GRIA1: variants seen among roughly 807,000 people sequenced by gnomAD.
GRIA1 encodes the protein glutamate receptor 1.
In GRIA1, 31 loss-of-function variants were observed where a neutral mutation model predicts 99.2. That is an observed-to-expected ratio of 0.31 (90% confidence interval 0.23 to 0.42). GRIA1 has a LOEUF of 0.42. GRIA1 is among the 10% of genes least tolerant of loss of function. The pLI is 1.00. For missense variants in GRIA1, 782 were observed against 1,157.5 expected, an observed-to-expected ratio of 0.68 and a Z score of 4.71; for synonymous variants, 438 against 432.4, an observed-to-expected ratio of 1.01 and a Z score of -0.16.
chr5:153,515,763 A>T (rs1438777036), intron 2 of GRIA1, among the ~76,000 whole-genome samples: 3 of 152,210 alleles, frequency 2.0e-5, no homozygotes, highest in South Asian at 4.1e-4. Flanking sequence ...CAAATTTTTT[A>T]AAAAGGCTAT....
intron 2 of GRIA1, among the ~76,000 whole-genome samples, chr5:153,515,769 G>C (rs944064270): frequency 2.0e-5 from 3 of 152,042 alleles, no homozygotes; most frequent in Admixed American, 6.6e-5. Flanking sequence ...TTTTAAAAAG[G>C]CTATTTTTCT....
At chr5:153,736,946 A>G (rs550362398) in intron 11 of GRIA1, among the ~76,000 whole-genome samples, 11 of 152,306 alleles carry the variant, frequency 7.2e-5, no homozygotes, top group African/African-American at 2.4e-4. Flanking sequence ...CCTGCAATGG[A>G]CTTTCAGGGT....
At chr5:153,631,873 A>G (rs1360938949) in intron 2 of GRIA1, among the ~76,000 whole-genome samples, 1 of 152,174 alleles carries the variant, frequency 6.6e-6, no homozygotes, top group Non-Finnish European at 1.5e-5. Context: ...ACAAGAAGCC[A>G]GCCAAGCAAA....
chr5:153,768,889 C>G (rs902980736), intron 12 of GRIA1, among the ~76,000 whole-genome samples: 18 of 152,206 alleles, frequency 1.2e-4, no homozygotes, highest in Admixed American at 2.0e-4. Context: ...AATAGCCAGA[C>G]TGTAGTATCC....
intron 11 of GRIA1, among the ~76,000 whole-genome samples, chr5:153,739,188 C>T (rs1761606696): frequency 6.6e-6 from 1 of 152,130 alleles, no homozygotes; most frequent in Admixed American, 6.5e-5. Flanking sequence ...GGCTTCATTC[C>T]TCACTGCCCT....
intron 11 of GRIA1, among the ~76,000 whole-genome samples, chr5:153,752,768 A>G (rs1337970592): frequency 6.6e-6 from 1 of 152,192 alleles, no homozygotes; most frequent in East Asian, 1.9e-4. Context: ...CTTCAACCAA[A>G]CACTAATCTA....
At chr5:153,625,371 T>A (rs1767497601) in intron 2 of GRIA1, among the ~76,000 whole-genome samples, 1 of 152,186 alleles carries the variant, frequency 6.6e-6, no homozygotes, top group Non-Finnish European at 1.5e-5. Context: ...CTAAGGAGCC[T>A]TTCTAGCCCC....
intron 2 of GRIA1, among the ~76,000 whole-genome samples, chr5:153,499,681 A>G (rs1392401593): frequency 2.0e-5 from 3 of 151,868 alleles, no homozygotes; most frequent in African/African-American, 4.8e-5. Context: ...TAGCAGTGAA[A>G]TAGCCCAACG....
In GRIA1 at chr5:153,802,497, T is replaced by G. The variant is rs1173674176; in HGVS notation, c.2520+7T>G. On this transcript the variant is annotated splice_region_variant and intron_variant, in intron 15 of 15. Transcript: ENST00000285900. ...TGAATCCAAGCGGATGAAGGTGGCATCGTCTTCCCGGGCCTTTTTCCTAAC... is the reference window on the plus strand; with the variant it reads ...TGAATCCAAGCGGATGAAGGTGGCAGCGTCTTCCCGGGCCTTTTTCCTAAC... The G allele has an allele frequency of 6.2e-7, 1 of 1,613,760 alleles. No individual in the cohort carries two copies. The highest frequency in any genetic ancestry group is 1.3e-5 in the African/African-American group (1 of 74,872).
chr5:153,649,809 G>A (rs1319008733), intron 3 of GRIA1, among the ~76,000 whole-genome samples: 2 of 152,080 alleles, frequency 1.3e-5, no homozygotes, highest in Non-Finnish European at 2.9e-5. Context: ...CAAAGTATTA[G>A]GTATTAAAGA....
intron 2 of GRIA1, among the ~76,000 whole-genome samples, chr5:153,550,934 AATGTGCAGGTTAGTTACAT>A (rs2113540653): frequency 6.6e-6 from 1 of 152,326 alleles, no homozygotes; most frequent in African/African-American, 2.4e-5. Context: ...ACATGTGCAC[AATGTGCAGGTTAGTTACAT>A]ATGTATACAA....
At chr5:153,603,712 A>G (rs1765206861) in intron 2 of GRIA1, among the ~76,000 whole-genome samples, 1 of 152,148 alleles carries the variant, frequency 6.6e-6, no homozygotes, top group Middle Eastern at 3.2e-3. Context: ...ATGTGGTGTC[A>G]TGGTTAGTAA....
intron 13 of GRIA1, among the ~76,000 whole-genome samples, chr5:153,778,341 T>G (rs1044006853): frequency 6.6e-5 from 10 of 151,994 alleles, no homozygotes; most frequent in African/African-American, 2.2e-4. Flanking sequence ...GCTAGTCCGG[T>G]GCAAAAGTCC....
intron 2 of GRIA1, among the ~76,000 whole-genome samples, chr5:153,614,668 T>C (rs1250653662): frequency 6.6e-6 from 1 of 152,216 alleles, no homozygotes; most frequent in African/African-American, 2.4e-5. Context: ...AAAATATACC[T>C]TAATCAATTA....
Position 153,805,266 on chromosome 5 carries a change from T to C in GRIA1, c.2520+2776T>C, listed in dbSNP as rs964036561. 2.0e-5 allele frequency among the ~76,000 whole-genome samples: 3 copies of C among 152,196 alleles called. 1 individual carries two copies. The highest frequency in any genetic ancestry group is 4.4e-5 in the Non-Finnish European group (3 of 68,036). ...CATCCTCCTTAAAACTTTCCTTTTA[T>C]TATCCCTATTTACATGAGCTAGGGT... On this transcript the variant is annotated intron_variant, in intron 15 of 15. Coordinates refer to ENST00000285900, the MANE Select transcript of GRIA1 (RefSeq NM_000827.4).
At chr5:153,686,982 T>A (rs930556538) in intron 8 of GRIA1, among the ~76,000 whole-genome samples, 2 of 152,114 alleles carry the variant, frequency 1.3e-5, no homozygotes, top group African/African-American at 4.8e-5. Context: ...GAATACACCA[T>A]GTTCTTTCTC....
intron 6 of GRIA1, among the ~76,000 whole-genome samples, chr5:153,676,095 G>T (rs1756560828): frequency 6.6e-6 from 1 of 152,130 alleles, no homozygotes; most frequent in Non-Finnish European, 1.5e-5. Context: ...CTGACCTTGT[G>T]ATCCACCCAT....
At chr5:153,591,326 C>T (rs1272330042) in intron 2 of GRIA1, among the ~76,000 whole-genome samples, 1 of 152,170 alleles carries the variant, frequency 6.6e-6, no homozygotes, top group African/African-American at 2.4e-5. Flanking sequence ...CGATATTCAT[C>T]TAAGAAATGG....
intron 2 of GRIA1, among the ~76,000 whole-genome samples, chr5:153,516,888 C>T (rs2113347445): frequency 6.6e-6 from 1 of 152,202 alleles, no homozygotes; most frequent in Middle Eastern, 3.4e-3. Flanking sequence ...TGATCTAGAG[C>T]TGAAGAAAAA....
Sources: gnomAD v4.1 joint callset for allele counts (sites outside exome capture counted in the v4.1 genomes callset) on GRCh38, gnomAD v4.1.1 for gene constraint, MANE v1.5 for transcripts, NCBI Gene and HGNC (gene_info 2026-07-23, HGNC 2026-07-21) for gene names.